SUSD6: variants seen among roughly 807,000 people sequenced by gnomAD.
The protein encoded by SUSD6 is sushi domain-containing protein 6.
A neutral mutation model predicts 28.4 loss-of-function variants in SUSD6; 16 were observed. The ratio of observed to expected loss-of-function variants is 0.56; its 90% CI spans 0.38 to 0.86. The LOEUF (loss-of-function observed/expected upper bound fraction) is 0.86, where lower values mean the gene tolerates loss of function less well. SUSD6 is among the 40% of genes least tolerant of loss of function. SUSD6 has a pLI of 0.00. For missense variants in SUSD6, 341 were observed against 384.2 expected (o/e 0.89, Z 0.94); for synonymous variants, 147 against 159.6 (o/e 0.92, Z 0.59).
chr14:69,670,765 C>T (rs1171663879), intron 2 of SUSD6, among the ~76,000 whole-genome samples: 1 of 152,254 alleles, frequency 6.6e-6, no homozygotes, highest in African/African-American at 2.4e-5. Flanking sequence ...TTGCCAGTGG[C>T]AGGTACAGCC....
At chr14:69,697,909 G>A (rs972473220) in intron 2 of SUSD6, among the ~76,000 whole-genome samples, 17 of 152,356 alleles carry the variant, frequency 1.1e-4, no homozygotes, top group Non-Finnish European at 2.1e-4. Flanking sequence ...TTGTAGGCTT[G>A]TAGTGGGGGC....
At chr14:69,698,655 A>C (rs1419615534) in intron 2 of SUSD6, among the ~76,000 whole-genome samples, 1 of 152,160 alleles carries the variant, frequency 6.6e-6, no homozygotes, top group African/African-American at 2.4e-5. Flanking sequence ...GAGGGTCCTC[A>C]GCAGTTAGTT....
At position 69,708,864 on chromosome 14, in the gene SUSD6, C is replaced by G. The variant is rs749553986; in HGVS notation, c.646C>G (p.Gln216Glu). Residue 216 changes from glutamine (Q) to glutamate (E), a missense_variant, in exon 5 of 6, where the codon CAG becomes GAG. Physicochemically the swap from Gln to Glu is conservative, Grantham distance 29. Transcript: ENST00000342745. ...PSGRSVPREQ[Q>E]LPDQGACSSA... ...TGGGAGGAGCGTGCCAAGGGAGCAA[C>G]AGCTGCCGGACCAAGGGGCCTGCTC... 1.2e-6 allele frequency: 2 copies of G among 1,614,136 alleles called. No individual in the cohort carries two copies. Among genetic ancestry groups the G allele is most frequent in the South Asian group, 2.2e-5 (2 of 91,078 alleles).
At chr14:69,653,514 C>T (rs140903911) in intron 1 of SUSD6, among the ~76,000 whole-genome samples, 111 of 152,240 alleles carry the variant, frequency 7.3e-4, no homozygotes, top group African/African-American at 2.2e-3. Context: ...GTCATTGAGG[C>T]CCTCTCCTCT....
intron 4 of SUSD6, among the ~76,000 whole-genome samples, chr14:69,707,794 A>C (rs1413379314): frequency 6.6e-6 from 1 of 152,174 alleles, no homozygotes; most frequent in Non-Finnish European, 1.5e-5. Flanking sequence ...TGCAAAACTA[A>C]ACCACAGTGT....
At chr14:69,703,922 A>T in intron 3 of SUSD6, 1 of 322,862 alleles carries the variant, frequency 3.1e-6, no homozygotes. Flanking sequence ...ACCTTCTCTA[A>T]TGTATCGTCC....
intron 1 of SUSD6, among the ~76,000 whole-genome samples, chr14:69,622,494 A>C (rs1470875186): frequency 2.0e-5 from 3 of 152,102 alleles, no homozygotes; most frequent in African/African-American, 7.2e-5. Flanking sequence ...TCTTCTCCTC[A>C]TAGATTTCAA....
rs568423515 is a variant in SUSD6, at chr14:69,642,695, C to T, written c.-80-15818C>T. On this transcript the variant is annotated intron_variant, in intron 1 of 5. Coordinates refer to ENST00000342745, the MANE Select transcript of SUSD6 (RefSeq NM_014734.4). ...TCCCACAACACGAGAGAATTCTGGG[C>T]GATACAATTCAAGGTGAGATTTGGT... Among the ~76,000 whole-genome samples the T allele has an allele frequency of 3.2e-3, 455 of 143,554 alleles. 1 individual carries two copies. The highest frequency in any genetic ancestry group is 7.1e-3 in the Middle Eastern group (2 of 282). The allele number at this position is 143,554 out of a possible 152,430, so 94.2% of individuals were successfully genotyped here. A position where few individuals can be genotyped will look rare whatever the true frequency, so the allele number is the denominator to read the frequency against.
chr14:69,614,282 G>A (rs2139586694), intron 1 of SUSD6, among the ~76,000 whole-genome samples: 1 of 152,290 alleles, frequency 6.6e-6, no homozygotes, highest in East Asian at 1.9e-4. Flanking sequence ...GGCTAGGCTG[G>A]TCTCGAACGC....
intron 3 of SUSD6, 92 bp from the exon 4 acceptor site, chr14:69,704,512 C>T: frequency 2.3e-6 from 3 of 1,322,810 alleles, no homozygotes; most frequent in Non-Finnish European, 3.1e-6. Flanking sequence ...TTGCACCATT[C>T]AGGAGGCATT....
intron 1 of SUSD6, among the ~76,000 whole-genome samples, chr14:69,645,992 C>T (rs372513167): frequency 7.2e-5 from 11 of 152,154 alleles, no homozygotes; most frequent in Non-Finnish European, 5.9e-5. Flanking sequence ...TCAGGTGATC[C>T]GCCCGCCTTG....
intron 2 of SUSD6, among the ~76,000 whole-genome samples, chr14:69,699,447 G>A (rs1594722359): frequency 4.0e-5 from 6 of 151,672 alleles, no homozygotes; most frequent in Admixed American, 1.3e-4. Flanking sequence ...CAAGTGATCC[G>A]CCCACCTTGA....
chr14:69,644,137 G>A (rs1885392299), intron 1 of SUSD6, among the ~76,000 whole-genome samples: 1 of 152,124 alleles, frequency 6.6e-6, no homozygotes, highest in Non-Finnish European at 1.5e-5. Flanking sequence ...AAGGGCGTAT[G>A]CTTCCTTTAC....
At chr14:69,671,448 A>G (rs1478119085) in intron 2 of SUSD6, among the ~76,000 whole-genome samples, 1 of 152,210 alleles carries the variant, frequency 6.6e-6, no homozygotes, top group Non-Finnish European at 1.5e-5. Flanking sequence ...CTTGACTCTC[A>G]TCACCTGGCC....
chr14:69,622,678 C>CT (rs2139592185), intron 1 of SUSD6, among the ~76,000 whole-genome samples: 1 of 152,188 alleles, frequency 6.6e-6, no homozygotes, highest in South Asian at 2.1e-4. Flanking sequence ...ACTGCAACCT[C>CT]TGTCTCCCAG....
At chr14:69,703,299 G>A in intron 2 of SUSD6, 96 bp from the exon 3 acceptor site, 1 of 948,096 alleles carries the variant, frequency 1.1e-6, no homozygotes, top group Non-Finnish European at 1.6e-6. Flanking sequence ...TCCTCCTCCT[G>A]TGTTTCCTGT....
At chr14:69,696,781 G>A (rs566185386) in intron 2 of SUSD6, among the ~76,000 whole-genome samples, 12 of 152,336 alleles carry the variant, frequency 7.9e-5, no homozygotes, top group African/African-American at 2.6e-4. Context: ...TTTAGTCTGA[G>A]TTGAGGTGTG....
chr14:69,615,021 G>A (rs1884938526), intron 1 of SUSD6, among the ~76,000 whole-genome samples: 1 of 152,202 alleles, frequency 6.6e-6, no homozygotes, highest in African/African-American at 2.4e-5. Context: ...TGGACACTAT[G>A]GAAGTCTTGT....
rs12588634 is a variant in SUSD6, at chr14:69,678,568, C to T, written c.121+19855C>T. ...CTGTAATCCCAGCACTTTGAGAGGC[C>T]GAGGTGGGCAGATCGCTTGAGCCCA... On this transcript the variant is annotated intron_variant, in intron 2 of 5. Coordinates refer to ENST00000342745, the MANE Select transcript of SUSD6 (RefSeq NM_014734.4). Among the ~76,000 whole-genome samples the T allele has an allele frequency of 3.0e-3, 461 of 152,014 alleles. 13 individuals carry two copies. The East Asian group carries it at 0.058, about 19-fold the overall frequency.
Sources: gnomAD v4.1 joint callset for allele counts (sites outside exome capture counted in the v4.1 genomes callset) on GRCh38, gnomAD v4.1.1 for gene constraint, MANE v1.5 for transcripts, NCBI Gene and HGNC (gene_info 2026-07-23, HGNC 2026-07-21) for gene names.